C8orf33: variants seen among roughly 807,000 people sequenced by gnomAD.
The protein encoded by C8orf33 is chromosome 8 open reading frame 33.
Under a neutral mutation model 25.7 loss-of-function variants are expected in C8orf33, and 28 were observed. The observed-to-expected ratio is 1.09, with a 90% CI of 0.81 to 1.49. The LOEUF (loss-of-function observed/expected upper bound fraction) is 1.49. C8orf33 is among the 40% of genes most tolerant of loss of function. C8orf33 has a pLI of 0.00. For missense variants in C8orf33, 369 were observed against 294.4 expected (o/e 1.25, Z -1.85); for synonymous variants, 153 against 115.9 (o/e 1.32, Z -2.06).
intron 1 of C8orf33, 24 bp downstream of exon 1, chr8:145,052,521 C>T: frequency 1.9e-6 from 3 of 1,600,178 alleles, no homozygotes; most frequent in South Asian, 2.2e-5. Flanking sequence ...AGAAGACGCG[C>T]GGGTGGCTGG....
At position 145,054,403 on chromosome 8, in the gene C8orf33, A is replaced by G. The variant is rs1835326853; in HGVS notation, c.*246A>G. 1 of 425,162 alleles carries G rather than the reference A, an allele frequency of 2.4e-6. No individual in the cohort carries two copies. The highest frequency in any genetic ancestry group is 4.2e-6 in the Non-Finnish European group (1 of 235,898). 26.3% of individuals were successfully genotyped at this position (425,162 alleles called of 1,614,324 possible). A position where few individuals can be genotyped will look rare whatever the true frequency, so the allele number is the denominator to read the frequency against. ...GAGAGGTGCATTTAGAAAATATGCA[A>G]TAAATTGAAGTGAGTGTTCAAAGTA... On this transcript the variant is annotated 3_prime_UTR_variant, in exon 5 of 5. Coordinates refer to ENST00000331434, the MANE Select transcript of C8orf33 (RefSeq NM_023080.3).
rs1244108118 is a variant in C8orf33 at position 145,052,761 on chromosome 8, G to A, written c.182G>A (p.Gly61Asp). The part of the protein sequence containing the change: ...SNADSRAHPL[G>D]DEGGTASKKQ... ...GCTGACTCCAGAGCGCACCCGTTGGGCGATGAAGGCGGCACAGCGTCGAAA... is the reference window on the plus strand; with the variant it reads ...GCTGACTCCAGAGCGCACCCGTTGGACGATGAAGGCGGCACAGCGTCGAAA... Residue 61 changes from glycine (G) to aspartate (D), a missense_variant, in exon 2 of 5, where the codon GGC becomes GAC. By Grantham distance (94) the Gly-to-Asp change is moderately conservative (BLOSUM62 -1). Transcript: ENST00000331434. 3 of 1,614,084 alleles carry A rather than the reference G, an allele frequency of 1.9e-6. No homozygotes were observed. The highest frequency in any genetic ancestry group is 3.3e-5 in the Admixed American group (2 of 60,018).
chr8:145,052,969 C>T lies in C8orf33; in HGVS notation c.318+72C>T, dbSNP rs573408049. 5.6e-5 allele frequency: 89 copies of T among 1,602,192 alleles called. No individual in the cohort carries two copies. The African/African-American group carries it at 1.1e-3, about 19-fold the overall frequency. On this transcript the variant is annotated intron_variant, in intron 2 of 4. Coordinates refer to ENST00000331434, the MANE Select transcript of C8orf33 (RefSeq NM_023080.3). Reference sequence around the variant, plus strand: ...TCCACGGGCACGTGTGATCTGGGGTCCGCGGAGTTAAGGCGGGGAGGGGCA... The same window carrying T: ...TCCACGGGCACGTGTGATCTGGGGTTCGCGGAGTTAAGGCGGGGAGGGGCA...
rs868411265 is a variant in C8orf33, at chr8:145,052,668, G to A, written c.89G>A (p.Gly30Asp). The change falls in exon 2 of 5, where the codon GGC (glycine) becomes GAC (aspartate). Residue 30 changes from glycine (G) to aspartate (D), a missense_variant. Transcript: ENST00000331434. ...PCASRGARLP[G>D]PVSSARNPST... ...GCGTCCCGCGGAGCCCGGCTTCCCG[G>A]CCCAGTTTCCAGCGCCCGGAATCCT... is the stretch of plus-strand genomic sequence containing the variant. The A allele has an allele frequency of 6.2e-7, 1 of 1,613,550 alleles. No homozygotes were observed. Among genetic ancestry groups the A allele is most frequent in the Non-Finnish European group, 8.5e-7 (1 of 1,180,016 alleles).
In C8orf33 at chr8:145,055,580, A is replaced by G. The variant is rs1426569859; in HGVS notation, c.*1423A>G. On this transcript the variant is annotated 3_prime_UTR_variant, in exon 5 of 5. Coordinates refer to ENST00000331434, the MANE Select transcript of C8orf33 (RefSeq NM_023080.3). The stretch of plus-strand genomic sequence containing the variant: ...CCTCCCTTTCCCCGGGGGAGTTTAG[A>G]GAAGACTACTCCTCCACCTCTTGTG... 1.9e-5 allele frequency: 3 copies of G among 161,388 alleles called. No individual in the cohort carries two copies. In the South Asian group the frequency reaches 5.1e-4, roughly 28 times the overall value. The allele number at this position is 161,388 out of a possible 1,614,324, so 10.0% of individuals were successfully genotyped here.
chr8:145,052,523 G>T, intron 1 of C8orf33, 26 bp downstream of exon 1: 1 of 1,600,318 alleles, frequency 6.2e-7, no homozygotes, highest in Non-Finnish European at 8.5e-7. Flanking sequence ...AAGACGCGCG[G>T]GTGGCTGGGC....
At position 145,055,855 on chromosome 8, in the gene C8orf33, T is replaced by G. The variant is rs1835358033; in HGVS notation, c.*1698T>G. On this transcript the variant is annotated 3_prime_UTR_variant, in exon 5 of 5. Transcript: ENST00000331434. ...CTGCCAGGCAGGGAAGGGCCCCCTGTCCAGTGGACACATGACCCATGTGAC... is the reference window on the plus strand; with the variant it reads ...CTGCCAGGCAGGGAAGGGCCCCCTGGCCAGTGGACACATGACCCATGTGAC... The G allele has an allele frequency of 6.3e-6, 1 of 158,192 alleles. No individual in the cohort carries two copies. Among genetic ancestry groups the G allele is most frequent in the Non-Finnish European group, 1.4e-5 (1 of 71,954 alleles). The allele number at this position is 158,192 out of a possible 1,614,324, so 9.8% of individuals were successfully genotyped here. A position where few individuals can be genotyped will look rare whatever the true frequency, so the allele number is the denominator to read the frequency against.
intron 1 of C8orf33, 31 bp downstream of exon 1, chr8:145,052,528 C>G (rs771965907): frequency 2.5e-6 from 4 of 1,600,366 alleles, no homozygotes; most frequent in Non-Finnish European, 2.5e-6. Flanking sequence ...GCGCGGGTGG[C>G]TGGGCCTTGC....
Position 145,052,620 on chromosome 8 carries a change from C to T in C8orf33, c.41C>T (p.Ala14Val). ...CATCTTGCTGGGGAGGCAGCGGCGG[C>T]CCCAGGCCCGGGTACTCCCTGCGCG... Reference protein sequence around the residue: ...LGHLAGEAAAAPGPGTPCASR... With the variant: ...LGHLAGEAAAVPGPGTPCASR... Residue 14 changes from alanine (A) to valine (V), a missense_variant, in exon 2 of 5, where the codon GCC (alanine) becomes GTC (valine). Coordinates refer to ENST00000331434, the MANE Select transcript of C8orf33 (RefSeq NM_023080.3). The T allele has an allele frequency of 1.2e-6, 2 of 1,609,942 alleles. No individual in the cohort carries two copies. The highest frequency in any genetic ancestry group is 8.5e-7 in the Non-Finnish European group (1 of 1,179,812).
In C8orf33 at chr8:145,053,123, G is replaced by A. The variant is rs766666112; in HGVS notation, c.380G>A (p.Arg127Lys). The A allele has an allele frequency of 6.8e-6, 11 of 1,614,212 alleles. No homozygotes were observed. The highest frequency in any genetic ancestry group is 1.1e-5 in the South Asian group (1 of 91,084). ...CVEQLELGLK[R>K]QKPTPKQKEQ... ...GAGCAACTGGAGCTGGGCCTCAAGA[G>A]GCAGAAACCCACCCCGAAACAGAGT... The change falls in exon 3 of 5, where the codon AGG becomes AAG. Residue 127 changes from arginine to lysine, a missense_variant. Coordinates refer to ENST00000331434, the MANE Select transcript of C8orf33 (RefSeq NM_023080.3).
Position 145,054,103 on chromosome 8 carries a change from A to T in C8orf33, c.636A>T (p.Arg212Ser), listed in dbSNP as rs749287098. 1 of 1,614,202 alleles carries T rather than the reference A, an allele frequency of 6.2e-7. No homozygotes were observed. Among genetic ancestry groups the T allele is most frequent in the South Asian group, 1.1e-5 (1 of 91,086 alleles). The change falls in exon 5 of 5, where the codon AGA becomes AGT. Residue 212 changes from arginine (R) to serine (S), a missense_variant. Physicochemically the swap from Arg to Ser is moderately radical, Grantham distance 110. Transcript: ENST00000331434. ...TCTGCAGGCCTCGCTCTATATGGAG[A>T]GCCAAAGCCACTCTGGACATGCCTG... ...QRVCRPRSIW[R>S]AKATLDMPDE...
Position 145,053,230 on chromosome 8 carries a change from G to C in C8orf33, c.404-67G>C, listed in dbSNP as rs138436109. 2.7e-5 allele frequency: 43 copies of C among 1,613,132 alleles called. No individual in the cohort carries two copies. In the African/African-American group the frequency reaches 4.7e-4, roughly 18 times the overall value. On this transcript the variant is annotated intron_variant, in intron 3 of 4. Transcript: ENST00000331434. ...GTGCTGGCAGAGTATGGAGTTGTTG[G>C]CTTTGCGGCGGGGTGGTAGGAGGTC...
chr8:145,053,512 GA>G, intron 4 of C8orf33, 69 bp downstream of exon 4: 3 of 1,530,806 alleles, frequency 2.0e-6, no homozygotes, highest in Non-Finnish European at 2.7e-6. Context: ...GGGGTGAAAG[GA>G]AGAAGGCCCA....
rs746680584 is a variant in C8orf33 at position 145,053,069 on chromosome 8, A to C, written c.326A>C (p.Gln109Pro). ...VPLSAEAQAQ[Q>P]LAQELAWCVE... is the part of the protein sequence containing the mutation. ...TCCCCAAATCCATCACAGGCACAAC[A>C]GTTGGCCCAGGAATTGGCTTGGTGT... is the stretch of plus-strand genomic sequence containing the variant. Residue 109 changes from glutamine to proline, a missense_variant, in exon 3 of 5, where the codon CAG becomes CCG. Gln to Pro is a moderately conservative substitution (Grantham distance 76). Transcript: ENST00000331434. 2.5e-6 allele frequency: 4 copies of C among 1,614,154 alleles called. No homozygotes were observed. Among genetic ancestry groups the C allele is most frequent in the Non-Finnish European group, 3.4e-6 (4 of 1,180,024 alleles).
rs777169488 is a variant in C8orf33, at chr8:145,054,143, T to C, written c.676T>C (p.Phe226Leu). Reference sequence around the variant, plus strand: ...GGACATGCCTGATGAAGAGTTTAGGTTCAATTTCTTTTAGCGTCTCCCCGA... The same window carrying C: ...GGACATGCCTGATGAAGAGTTTAGGCTCAATTTCTTTTAGCGTCTCCCCGA... ...TLDMPDEEFR[F>L]NFF Residue 226 changes from phenylalanine to leucine, a missense_variant, in exon 5 of 5, where the codon TTC (phenylalanine) becomes CTC (leucine). Phe to Leu is a conservative substitution (Grantham distance 22). Coordinates refer to ENST00000331434, the MANE Select transcript of C8orf33 (RefSeq NM_023080.3). 4 of 1,613,908 alleles carry C rather than the reference T, an allele frequency of 2.5e-6. No individual in the cohort carries two copies. The South Asian group carries it at 3.3e-5, about 13-fold the overall frequency.
chr8:145,053,995 T>C, intron 4 of C8orf33, 23 bp from the exon 5 acceptor site: 1 of 1,611,954 alleles, frequency 6.2e-7, no homozygotes, highest in Non-Finnish European at 8.5e-7. Context: ...AGTTCTGACA[T>C]ACGCTGCTTC....
chr8:145,055,267 G>A lies in C8orf33; in HGVS notation c.*1110G>A, dbSNP rs1321142435. On this transcript the variant is annotated 3_prime_UTR_variant, in exon 5 of 5. Transcript: ENST00000331434. The stretch of plus-strand genomic sequence containing the variant: ...TATATGTGAGTATCATTAATCATTA[G>A]TTTATAGCAATTACTCTTTATTCCA... 6.6e-6 allele frequency: 1 copy of A among 152,074 alleles called. No homozygotes were observed. Among genetic ancestry groups the A allele is most frequent in the African/African-American group, 2.4e-5 (1 of 41,380 alleles). 9.4% of individuals were successfully genotyped at this position (152,074 alleles called of 1,614,324 possible).
chr8:145,054,867 G>A lies in C8orf33; in HGVS notation c.*710G>A, dbSNP rs774268293. ...GCCTTGGCAGACTTCTTGTCTAAAT[G>A]TTGGCCATTCAGTCTCAGGCCCTCT... On this transcript the variant is annotated 3_prime_UTR_variant, in exon 5 of 5. Transcript: ENST00000331434. 1 of 152,232 alleles carries A rather than the reference G, an allele frequency of 6.6e-6. No homozygotes were observed. The highest frequency in any genetic ancestry group is 2.1e-4 in the South Asian group (1 of 4,832). 9.4% of individuals were successfully genotyped at this position (152,232 alleles called of 1,614,324 possible).
At chr8:145,053,647 T>A in intron 4 of C8orf33, 1 of 616,548 alleles carries the variant, frequency 1.6e-6, no homozygotes. Flanking sequence ...GGGGAGGCCC[T>A]GGGAGGAGTG....
Sources: gnomAD v4.1 joint callset for allele counts on GRCh38, gnomAD v4.1.1 for gene constraint, MANE v1.5 for transcripts, NCBI Gene and HGNC (gene_info 2026-07-23, HGNC 2026-07-21) for gene names.